The following HTR5A variants were observed in gnomAD, a reference collection of about 807,000 sequenced individuals.
HTR5A encodes the protein 5-hydroxytryptamine receptor 5A.
A neutral mutation model predicts 24.3 loss-of-function variants in HTR5A; 21 were observed. That is an observed-to-expected ratio of 0.86 (90% confidence interval 0.61 to 1.24). The LOEUF (loss-of-function observed/expected upper bound fraction) is 1.24. Ranked by LOEUF, HTR5A falls within the 50% of genes most tolerant of loss-of-function variation. The pLI, the probability that HTR5A is intolerant of heterozygous loss-of-function variation, is 0.00. For synonymous variants in HTR5A, 260 were observed against 213.7 expected, an observed-to-expected ratio of 1.22 and a Z score of -1.89; for missense variants, 497 against 489.5, an observed-to-expected ratio of 1.02 and a Z score of -0.15.
chr7:155,072,716 G>C (rs1030070342), intron 1 of HTR5A, among the ~76,000 whole-genome samples: 3 of 152,214 alleles, frequency 2.0e-5, no homozygotes, highest in Admixed American at 2.0e-4. Context: ...TTTGGTGCAA[G>C]AGGTAAGCGA....
chr7:155,085,124 C>CAA lies in HTR5A; in HGVS notation c.*638_*639dup, dbSNP rs1795462424. ...ACGAACATACACACACACACACACACAACTATGAAAGAGGCAGGTGTTCTA... is the reference window on the plus strand; with the variant it reads ...ACGAACATACACACACACACACACACAAAACTATGAAAGAGGCAGGTGTTCTA... On this transcript the variant is annotated 3_prime_UTR_variant, in exon 2 of 2. Coordinates refer to ENST00000287907, the MANE Select transcript of HTR5A (RefSeq NM_024012.4). 6.6e-6 allele frequency: 1 copy of CAA among 152,276 alleles called. No individual in the cohort carries two copies. The highest frequency in any genetic ancestry group is 1.5e-5 in the Non-Finnish European group (1 of 68,132). The allele number at this position is 152,276 out of a possible 1,614,324, so 9.4% of individuals were successfully genotyped here. A position where few individuals can be genotyped will look rare whatever the true frequency, so the allele number is the denominator to read the frequency against.
chr7:155,076,736 G>A, intron 1 of HTR5A, among the ~76,000 whole-genome samples: 1 of 152,130 alleles, frequency 6.6e-6, no homozygotes, highest in Non-Finnish European at 1.5e-5. Context: ...CAATCAATGA[G>A]TAGAAAAATA....
chr7:155,082,383 G>T (rs147892842), intron 1 of HTR5A, among the ~76,000 whole-genome samples: 3 of 152,186 alleles, frequency 2.0e-5, no homozygotes, highest in Admixed American at 6.5e-5. Context: ...AGCGTGACCA[G>T]CATCTCCAGT....
intron 1 of HTR5A, among the ~76,000 whole-genome samples, chr7:155,075,337 A>G (rs1300663994): frequency 3.9e-5 from 6 of 152,244 alleles, no homozygotes; most frequent in Non-Finnish European, 7.3e-5. Context: ...ACGTTGATCA[A>G]CATGAGTTTA....
intron 1 of HTR5A, among the ~76,000 whole-genome samples, chr7:155,073,887 ATG>A (rs1436625736): frequency 7.2e-5 from 9 of 124,464 alleles, no homozygotes; most frequent in African/African-American, 2.7e-4. Flanking sequence ...GTATATATAT[ATG>A]TATATATATA....
At chr7:155,080,975 T>G (rs532434209) in intron 1 of HTR5A, among the ~76,000 whole-genome samples, 1 of 152,304 alleles carries the variant, frequency 6.6e-6, no homozygotes, top group South Asian at 2.1e-4. Context: ...GGTTTACAAG[T>G]GTATATTCCC....
chr7:155,080,039 A>G lies in HTR5A; in HGVS notation c.742-4116A>G, dbSNP rs1795399185. ...AGGTCCAGCTTGAATTAGATTGGAA[A>G]CTTATCAAGCCAATGCCTTATAGAA... On this transcript the variant is annotated intron_variant, in intron 1 of 1. Coordinates refer to ENST00000287907, the MANE Select transcript of HTR5A (RefSeq NM_024012.4). Among the ~76,000 whole-genome samples the G allele has an allele frequency of 2.6e-5, 4 of 152,332 alleles. No individual in the cohort carries two copies. The South Asian group carries it at 8.3e-4, about 32-fold the overall frequency.
intron 1 of HTR5A, among the ~76,000 whole-genome samples, chr7:155,079,712 A>G (rs1795395729): frequency 6.6e-6 from 1 of 152,208 alleles, no homozygotes; most frequent in African/African-American, 2.4e-5. Context: ...AAGAGGATTG[A>G]GATTTGGACA....
chr7:155,074,925 C>A (rs1183496502), intron 1 of HTR5A, among the ~76,000 whole-genome samples: 1 of 152,134 alleles, frequency 6.6e-6, no homozygotes, highest in Non-Finnish European at 1.5e-5. Flanking sequence ...AACAGTACAC[C>A]TTCATGTCAA....
chr7:155,072,778 T>G (rs1487597429), intron 1 of HTR5A, among the ~76,000 whole-genome samples: 1 of 152,046 alleles, frequency 6.6e-6, no homozygotes, highest in Non-Finnish European at 1.5e-5. Context: ...GGGAGGGAAA[T>G]AGACATCCAC....
chr7:155,083,623 G>C (rs1290276562), intron 1 of HTR5A, among the ~76,000 whole-genome samples: 2 of 152,210 alleles, frequency 1.3e-5, no homozygotes, highest in Non-Finnish European at 2.9e-5. Flanking sequence ...AATAGACCCA[G>C]AGAGAGGTGT....
intron 1 of HTR5A, among the ~76,000 whole-genome samples, chr7:155,077,637 T>C (rs1453107103): frequency 6.6e-6 from 1 of 152,052 alleles, no homozygotes; most frequent in African/African-American, 2.4e-5. Context: ...CTAATTTTTG[T>C]ATTTTTAGTA....
Position 155,070,837 on chromosome 7 carries a change from C to T in HTR5A, c.-63C>T. ...TCCGGATTGGCTCTGGGCACAGTGG[C>T]CGCCTTAAGTCCTCCTGAACACCCC... is the stretch of plus-strand genomic sequence containing the variant. On this transcript the variant is annotated 5_prime_UTR_variant, in exon 1 of 2. Transcript: ENST00000287907. 6.6e-7 allele frequency: 1 copy of T among 1,511,056 alleles called. No homozygotes were observed. The highest frequency in any genetic ancestry group is 1.4e-5 in the African/African-American group (1 of 72,864). The allele number at this position is 1,511,056 out of a possible 1,614,324, so 93.6% of individuals were successfully genotyped here.
chr7:155,083,561 A>G (rs567627766), intron 1 of HTR5A, among the ~76,000 whole-genome samples: 8 of 152,320 alleles, frequency 5.3e-5, no homozygotes, highest in African/African-American at 1.7e-4. Flanking sequence ...ACAGGAGACT[A>G]AAAGACTAGG....
Position 155,071,628 on chromosome 7 carries a change from C to T in HTR5A, c.729C>T (p.Ser243=). The T allele has an allele frequency of 1.2e-6, 2 of 1,613,684 alleles. No individual in the cohort carries two copies. Among genetic ancestry groups the T allele is most frequent in the Middle Eastern group, 1.7e-4 (1 of 6,050 alleles). ...AGACCAATAGCGTCTCACCCATATC[C>T]GAAGCTGTGGAGGTGGGTATCTCAG... ...SRKTNSVSPI[S]EAVEVKDSAK... is the part of the protein sequence containing the mutation. The change falls in exon 1 of 2, where the codon TCC becomes TCT. Residue 243 remains serine, a synonymous_variant. Coordinates refer to ENST00000287907, the MANE Select transcript of HTR5A (RefSeq NM_024012.4).
intron 1 of HTR5A, among the ~76,000 whole-genome samples, chr7:155,078,301 C>CTTAT (rs1180310816): frequency 6.6e-6 from 1 of 152,108 alleles, no homozygotes; most frequent in African/African-American, 2.4e-5. Context: ...TTTATTTTTT[C>CTTAT]TTATTAAATT....
At chr7:155,077,906 T>C (rs4349940) in intron 1 of HTR5A, among the ~76,000 whole-genome samples, 136,692 of 152,288 alleles carry the variant, frequency 0.9, 63,167 homozygotes, top group East Asian at 1. Flanking sequence ...GGTAGTTATA[T>C]TGACACCCAC....
Position 155,086,632 on chromosome 7 carries a change from A to G in HTR5A, c.*2145A>G, listed in dbSNP as rs1349894600. ...TTATACATTATATACAACATACTCC[A>G]CATACACTATCTAGAGCAAGAAACA... is the stretch of plus-strand genomic sequence containing the variant. On this transcript the variant is annotated 3_prime_UTR_variant, in exon 2 of 2. Coordinates refer to ENST00000287907, the MANE Select transcript of HTR5A (RefSeq NM_024012.4). Among the ~76,000 whole-genome samples the G allele has an allele frequency of 6.6e-6, 1 of 152,234 alleles. No individual in the cohort carries two copies. The highest frequency in any genetic ancestry group is 1.9e-4 in the East Asian group (1 of 5,202).
At chr7:155,078,189 A>T in intron 1 of HTR5A, among the ~76,000 whole-genome samples, 1 of 152,208 alleles carries the variant, frequency 6.6e-6, no homozygotes, top group East Asian at 1.9e-4. Context: ...TTATCTAGAA[A>T]GCCATATCTT....
Sources: gnomAD v4.1 joint callset for allele counts (sites outside exome capture counted in the v4.1 genomes callset) on GRCh38, gnomAD v4.1.1 for gene constraint, MANE v1.5 for transcripts, NCBI Gene and HGNC (gene_info 2026-07-23, HGNC 2026-07-21) for gene names.